Variants in SMARCA1 observed in about 807,000 individuals in gnomAD.
SMARCA1 encodes the protein SNF2 related chromatin remodeling ATPase 1.
In SMARCA1, 17 loss-of-function variants were observed where a neutral mutation model predicts 93.6. That is an observed-to-expected ratio of 0.18 (90% CI 0.12 to 0.27). SMARCA1 has a LOEUF of 0.27. SMARCA1 is among the 10% of genes least tolerant of loss of function. SMARCA1 has a pLI of 1.00. For missense variants in SMARCA1, 630 were observed against 819.0 expected (o/e 0.77, Z 2.82); for synonymous variants, 271 against 271.4 (o/e 1.00, Z 0.01).
At chrX:129,471,054 G>T in intron 20 of SMARCA1, 150 bp downstream of exon 20, 1 of 377,002 alleles carries the variant, frequency 2.7e-6, no homozygotes, top group Non-Finnish European at 4.4e-6. Context: ...AAAATAAGGA[G>T]ATTTGGTCTA....
chrX:129,471,060 G>A (rs943581544), intron 20 of SMARCA1, 144 bp downstream of exon 20: 8 of 396,990 alleles, frequency 2.0e-5, no homozygotes, highest in Non-Finnish European at 3.3e-5. Context: ...AGGAGATTTG[G>A]TCTAAACATG....
chrX:129,491,926 T>C lies in SMARCA1; in HGVS notation c.1815+15A>G. On this transcript the variant is annotated intron_variant, in intron 14 of 24. Transcript: ENST00000371121. Reference sequence around the variant, plus strand: ...GAGCTATGATAAATTTCTGACACCATTAAAGATTACTAACCATAGCTTGTA... The same window carrying C: ...GAGCTATGATAAATTTCTGACACCACTAAAGATTACTAACCATAGCTTGTA... 8.6e-7 allele frequency: 1 copy of C among 1,162,887 alleles called. No individual in the cohort carries two copies. The highest frequency in any genetic ancestry group is 1.8e-5 in the African/African-American group (1 of 57,051).
At chrX:129,503,388 G>C (rs1034615210) in intron 9 of SMARCA1, among the ~76,000 whole-genome samples, 3 of 112,278 alleles carry the variant, frequency 2.7e-5, no homozygotes, top group African/African-American at 9.7e-5. Context: ...AGAAGACAGA[G>C]AGACAGTTAC....
At chrX:129,515,384 C>T (rs1310816366) in intron 5 of SMARCA1, among the ~76,000 whole-genome samples, 1 of 109,951 alleles carries the variant, frequency 9.1e-6, no homozygotes, top group Non-Finnish European at 1.9e-5. Flanking sequence ...AAAATTAGCC[C>T]AGTGTGGTGG....
At chrX:129,483,215 A>T (rs1021049518) in intron 17 of SMARCA1, among the ~76,000 whole-genome samples, 3 of 112,279 alleles carry the variant, frequency 2.7e-5, no homozygotes, top group Non-Finnish European at 5.6e-5. Context: ...TCTTTCATCA[A>T]GGAACTTGTA....
At chrX:129,504,564 A>ACAAAAC (rs1934714436) in intron 9 of SMARCA1, among the ~76,000 whole-genome samples, 170 bp downstream of exon 9, 1 of 97,411 alleles carries the variant, frequency 1.0e-5, no homozygotes, top group African/African-American at 4.2e-5. Context: ...AAAAAAAAAA[A>ACAAAAC]AAAAAAAAAA....
intron 23 of SMARCA1, among the ~76,000 whole-genome samples, chrX:129,457,197 C>A (rs1279866951): frequency 1.8e-5 from 2 of 112,412 alleles, no homozygotes; most frequent in Non-Finnish European, 3.8e-5. Context: ...TGACTGTTAA[C>A]CTTTTTAAGC....
At chrX:129,514,901 T>A (rs1017882963) in intron 5 of SMARCA1, among the ~76,000 whole-genome samples, 16 of 110,129 alleles carry the variant, frequency 1.5e-4, no homozygotes, top group Non-Finnish European at 9.5e-5. Flanking sequence ...TACAAAAAAA[T>A]TAGCCGGACG....
chrX:129,452,799 T>C (rs754919955), intron 23 of SMARCA1, among the ~76,000 whole-genome samples: 3 of 112,284 alleles, frequency 2.7e-5, no homozygotes, highest in Non-Finnish European at 3.8e-5. Context: ...TTACTGAGCT[T>C]CATAGATATT....
chrX:129,516,594 A>G (rs1935209626), intron 2 of SMARCA1, 97 bp from the exon 3 acceptor site: 1 of 707,454 alleles, frequency 1.4e-6, no homozygotes, highest in Non-Finnish European at 2.1e-6. Context: ...TTAGCACTTG[A>G]AACATTAATC....
rs1487120100 is a variant in SMARCA1 at position 129,482,752 on chromosome X, C to G, written c.2218-1567G>C. Reference sequence around the variant, plus strand: ...ATAATTTAACAGTCAACAGACAAAACTGACACTACAATGTTCTGGAGTCTG... The same window carrying G: ...ATAATTTAACAGTCAACAGACAAAAGTGACACTACAATGTTCTGGAGTCTG... On this transcript the variant is annotated intron_variant, in intron 17 of 24. Transcript: ENST00000371121. Among the ~76,000 whole-genome samples the G allele has an allele frequency of 1.2e-4, 14 of 112,033 alleles. No homozygotes were observed. The Admixed American group carries it at 1.3e-3, about 11-fold the overall frequency.
chrX:129,474,319 A>C (rs2124221976), intron 19 of SMARCA1, among the ~76,000 whole-genome samples: 1 of 112,087 alleles, frequency 8.9e-6, no homozygotes, highest in African/African-American at 3.2e-5. Context: ...TAATTGAAAG[A>C]AACCTCTTTG....
intron 19 of SMARCA1, among the ~76,000 whole-genome samples, chrX:129,475,913 C>A (rs1933360610): frequency 8.9e-6 from 1 of 112,128 alleles, no homozygotes; most frequent in Admixed American, 9.5e-5. Context: ...TGACACATTA[C>A]CAAAACTCAC....
chrX:129,522,379 G>C (rs777954727), intron 1 of SMARCA1, among the ~76,000 whole-genome samples: 1 of 110,699 alleles, frequency 9.0e-6, no homozygotes, highest in South Asian at 3.9e-4. Flanking sequence ...AGAGGGAGGC[G>C]GAAGCCTGGA....
chrX:129,455,843 T>C (rs1006762086), intron 23 of SMARCA1, among the ~76,000 whole-genome samples: 1 of 111,970 alleles, frequency 8.9e-6, no homozygotes, highest in Non-Finnish European at 1.9e-5. Flanking sequence ...TCATGAAGTT[T>C]ATAGAAAGAT....
chrX:129,466,075 T>G, intron 21 of SMARCA1, 113 bp from the exon 22 acceptor site: 1 of 346,593 alleles, frequency 2.9e-6, no homozygotes, highest in Non-Finnish European at 5.1e-6. Flanking sequence ...CTTCTTAAAA[T>G]TAAGATTCAG....
chrX:129,492,162 A>C, intron 13 of SMARCA1, 69 bp from the exon 14 acceptor site: 4 of 630,947 alleles, frequency 6.3e-6, no homozygotes, highest in Non-Finnish European at 1.0e-5. Flanking sequence ...AGGGTCCTTA[A>C]GAAACAAATA....
chrX:129,476,031 T>C (rs1363799106), intron 19 of SMARCA1, among the ~76,000 whole-genome samples: 1 of 112,554 alleles, frequency 8.9e-6, no homozygotes, highest in African/African-American at 3.2e-5. Flanking sequence ...TAGCTTCGAA[T>C]GTGGCAAAAC....
chrX:129,487,259 G>T (rs147856546), intron 16 of SMARCA1, 122 bp from the exon 17 acceptor site: 6,482 of 456,694 alleles, frequency 0.014, 53 homozygotes, highest in Middle Eastern at 0.049. Flanking sequence ...AATTTACAAG[G>T]TATGAATGCA....
Sources: allele counts gnomAD v4.1 joint callset (sites outside exome capture counted in the v4.1 genomes callset), GRCh38; gene constraint gnomAD v4.1.1; transcripts MANE v1.5; gene names NCBI Gene and HGNC (gene_info 2026-07-23, HGNC 2026-07-21).